DSE: variants seen among roughly 807,000 people sequenced by gnomAD.
The protein encoded by DSE is dermatan-sulfate epimerase.
In DSE, 36 loss-of-function variants were observed where a neutral mutation model predicts 84.4. That is an observed-to-expected ratio of 0.43 (90% CI 0.33 to 0.56). The LOEUF is 0.56. DSE is among the 20% of genes least tolerant of loss of function. The pLI is 0.06. For missense variants in DSE, 862 were observed against 1,169.6 expected, an observed-to-expected ratio of 0.74 and a Z score of 3.84; for synonymous variants, 410 against 430.1, an observed-to-expected ratio of 0.95 and a Z score of 0.58.
intron 3 of DSE, among the ~76,000 whole-genome samples, chr6:116,428,486 T>G (rs2115070063): frequency 6.6e-6 from 1 of 152,332 alleles, no homozygotes; most frequent in South Asian, 2.1e-4. Context: ...CCCAAAATAC[T>G]GGTTTGGATT....
At chr6:116,365,784 G>T (rs115447083), upstream of DSE, among the ~76,000 whole-genome samples, 969 of 152,292 alleles carry the variant, frequency 6.4e-3, 13 homozygotes, top group African/African-American at 0.022. Context: ...GCACCCAGGG[G>T]TTAGAATTAC....
chr6:116,359,137 A>G (rs374646023), intron 2 of DSE, among the ~76,000 whole-genome samples: 6 of 152,066 alleles, frequency 3.9e-5, no homozygotes, highest in African/African-American at 1.2e-4. Context: ...ATATATTTCT[A>G]TATCTTTATT....
At chr6:116,404,249 C>T (rs1781778720) in intron 2 of DSE, among the ~76,000 whole-genome samples, 1 of 152,184 alleles carries the variant, frequency 6.6e-6, no homozygotes, top group Non-Finnish European at 1.5e-5. Flanking sequence ...GAAAACATTA[C>T]AGATCCTGAA....
upstream of DSE, chr6:116,366,441 A>T (rs1779167633): frequency 6.6e-6 from 1 of 152,262 alleles, no homozygotes; most frequent in Non-Finnish European, 1.5e-5. Flanking sequence ...ACTAAATGTT[A>T]CACTCCTTTT....
At chr6:116,318,617 G>A (rs991787020) in intron 2 of DSE, among the ~76,000 whole-genome samples, 1 of 152,146 alleles carries the variant, frequency 6.6e-6, no homozygotes, top group African/African-American at 2.4e-5. Flanking sequence ...CTATCTGACT[G>A]ATATCAAAGC....
chr6:116,329,925 G>A (rs948107876), intron 2 of DSE, among the ~76,000 whole-genome samples: 1 of 152,192 alleles, frequency 6.6e-6, no homozygotes, highest in African/African-American at 2.4e-5. Flanking sequence ...CCGGATTCAA[G>A]TGATTGTCCT....
intron 2 of DSE, among the ~76,000 whole-genome samples, chr6:116,307,960 G>A (rs1775446858): frequency 6.6e-6 from 1 of 152,196 alleles, no homozygotes; most frequent in Admixed American, 6.5e-5. Flanking sequence ...TCAACTCAGA[G>A]ATTGCTTTTG....
At chr6:116,329,507 G>A (rs762320422) in intron 2 of DSE, among the ~76,000 whole-genome samples, 1 of 152,152 alleles carries the variant, frequency 6.6e-6, no homozygotes, top group African/African-American at 2.4e-5. Context: ...AAAGGATATG[G>A]GTAGTACTAT....
chr6:116,327,550 T>C (rs1776694371), intron 2 of DSE, among the ~76,000 whole-genome samples: 1 of 152,192 alleles, frequency 6.6e-6, no homozygotes, highest in African/African-American at 2.4e-5. Context: ...GCAAATGATA[T>C]GCTGAAAGAA....
chr6:116,331,869 A>G (rs1188301106), intron 2 of DSE, among the ~76,000 whole-genome samples: 1 of 152,198 alleles, frequency 6.6e-6, no homozygotes, highest in African/African-American at 2.4e-5. Flanking sequence ...AGGCAGTAGA[A>G]TTGTTTGAAC....
chr6:116,396,283 T>C (rs1421896088), intron 1 of DSE, among the ~76,000 whole-genome samples: 1 of 152,146 alleles, frequency 6.6e-6, no homozygotes, highest in African/African-American at 2.4e-5. Context: ...TCCGGTGTGA[T>C]ATAGGTATGT....
intron 2 of DSE, among the ~76,000 whole-genome samples, chr6:116,411,470 C>T (rs1485501517): frequency 6.6e-6 from 1 of 152,128 alleles, no homozygotes; most frequent in Non-Finnish European, 1.5e-5. Flanking sequence ...TTGAGTGAGT[C>T]GTGCTGCTGC....
At chr6:116,389,365 G>A (rs1583154021) in intron 1 of DSE, among the ~76,000 whole-genome samples, 1 of 151,940 alleles carries the variant, frequency 6.6e-6, no homozygotes, top group Non-Finnish European at 1.5e-5. Flanking sequence ...TGAGGTGAAT[G>A]ATAACTAGCT....
chr6:116,404,080 G>T (rs1473860897), intron 2 of DSE, among the ~76,000 whole-genome samples: 1 of 152,086 alleles, frequency 6.6e-6, no homozygotes. Context: ...AAAATGAAAT[G>T]ACTGCCTGTC....
chr6:116,258,298 G>C (rs1772231462), intron 1 of DSE: 3 of 435,690 alleles, frequency 6.9e-6, no homozygotes, highest in African/African-American at 2.0e-5. Context: ...TTACAGGTGT[G>C]AGCCACCGGA....
At chr6:116,292,698 T>G (rs1276734562) in intron 2 of DSE, among the ~76,000 whole-genome samples, 3 of 152,042 alleles carry the variant, frequency 2.0e-5, no homozygotes, top group African/African-American at 7.2e-5. Flanking sequence ...AAACTGAATG[T>G]CAGTAAGTAG....
chr6:116,278,537 AGGG>A (rs1299813978), intron 2 of DSE: 1 of 1,614,146 alleles, frequency 6.2e-7, no homozygotes, highest in Non-Finnish European at 8.5e-7. Context: ...TGGAACCCAA[AGGG>A]CCTGGGGATC....
Position 116,431,198 on chromosome 6 carries a change from A to G in DSE, c.910+5A>G. 3 of 1,613,970 alleles carry G rather than the reference A, an allele frequency of 1.9e-6. No individual in the cohort carries two copies. The highest frequency in any genetic ancestry group is 1.1e-5 in the South Asian group (1 of 91,016). ...TGTATAGAACCATCCTGCCAGGTAT[A>G]GTGAGGAGTCAGAAGTGTGAAAACA... is the stretch of plus-strand genomic sequence containing the variant. On this transcript the variant is annotated splice_donor_5th_base_variant and intron_variant, in intron 4 of 5. Coordinates refer to ENST00000644252, the MANE Select transcript of DSE (RefSeq NM_013352.4).
At chr6:116,377,066 A>G (rs1453874118) in intron 1 of DSE, among the ~76,000 whole-genome samples, 1 of 152,232 alleles carries the variant, frequency 6.6e-6, no homozygotes, top group Non-Finnish European at 1.5e-5. Context: ...ATTAGCATTC[A>G]TGCTCTTTTA....
Sources: gnomAD v4.1 joint callset for allele counts (sites outside exome capture counted in the v4.1 genomes callset) on GRCh38, gnomAD v4.1.1 for gene constraint, MANE v1.5 for transcripts, NCBI Gene and HGNC (gene_info 2026-07-23, HGNC 2026-07-21) for gene names.